The following LDB1 variants were observed in gnomAD, a reference collection of about 807,000 sequenced individuals.
The protein encoded by LDB1 is LIM domain-binding protein 1.
LDB1 carries 6 observed loss-of-function variants against 49.7 expected under a neutral mutation model. The ratio of observed to expected loss-of-function variants is 0.12; its 90% confidence interval spans 0.07 to 0.24. The LOEUF (loss-of-function observed/expected upper bound fraction) is 0.24, where lower values mean the gene tolerates loss of function less well. Ranked by LOEUF, LDB1 falls within the 10% of genes least tolerant of loss-of-function variation. The probability of loss-of-function intolerance (pLI) is 1.00; values close to 1 mark genes in which losing one functional copy is unlikely to be tolerated. For synonymous variants in LDB1, 233 were observed against 202.0 expected, an observed-to-expected ratio of 1.15 and a Z score of -1.30; for missense variants, 341 against 561.7, an observed-to-expected ratio of 0.61 and a Z score of 3.97.
rs2068399803 is a variant in LDB1 at position 102,120,224 on chromosome 10, G to T, written c.-114C>A. 4.1e-5 allele frequency: 40 copies of T among 984,824 alleles called. No homozygotes were observed. Among genetic ancestry groups the T allele is most frequent in the Non-Finnish European group, 4.7e-5 (39 of 830,468 alleles). The allele number at this position is 984,824 out of a possible 1,614,324, so 61.0% of individuals were successfully genotyped here. A position where few individuals can be genotyped will look rare whatever the true frequency, so the allele number is the denominator to read the frequency against. On this transcript the variant is annotated 5_prime_UTR_variant, in exon 1 of 11. Coordinates refer to ENST00000673968, the MANE Select transcript of LDB1 (RefSeq NM_001113407.3). The stretch of plus-strand genomic sequence containing the variant: ...CGCGGCCCCCGCTGCGCTCGCCGCC[G>T]GCCCGGCCCGGCCTCGGCCCGGTGC...
chr10:102,114,914 A>C, intron 1 of LDB1: 6 of 865,274 alleles, frequency 6.9e-6, no homozygotes, highest in Non-Finnish European at 8.3e-6. Context: ...TCAAACACAC[A>C]CGCAGCGCCC....
intron 1 of LDB1, chr10:102,114,782 G>T: frequency 1.0e-6 from 1 of 959,356 alleles, no homozygotes; most frequent in Non-Finnish European, 1.2e-6. Flanking sequence ...TCTCCCCGCC[G>T]CCGCCTCTTG....
intron 1 of LDB1, chr10:102,114,651 G>A: frequency 2.1e-6 from 2 of 962,408 alleles, no homozygotes; most frequent in East Asian, 1.2e-4. Flanking sequence ...GGGGGCCGGG[G>A]GCCAGGGGGC....
Position 102,106,832 on chromosome 10 carries a change from G to A in LDB1, c.*1261C>T, listed in dbSNP as rs980642910. Among the ~76,000 whole-genome samples, 4 of 152,118 alleles carry A rather than the reference G, an allele frequency of 2.6e-5. No individual in the cohort carries two copies. The highest frequency in any genetic ancestry group is 4.8e-5 in the African/African-American group (2 of 41,424). The stretch of plus-strand genomic sequence containing the variant: ...CTCCTGGCTGCACCCTGGCAGAGCC[G>A]AGGATCCCGGCTGCCTCCTCCTCCT... On this transcript the variant is annotated 3_prime_UTR_variant, in exon 11 of 11. Transcript: ENST00000673968.
downstream of LDB1, among the ~76,000 whole-genome samples, chr10:102,103,329 T>TTTG (rs141197540): frequency 1.1e-3 from 160 of 150,302 alleles, 2 homozygotes; most frequent in African/African-American, 3.0e-3. Context: ...CTGCACCTGT[T>TTTG]TTGTTGTTGT....
chr10:102,120,468 C>G (rs1469523802), upstream of LDB1: 17 of 884,556 alleles, frequency 1.9e-5, no homozygotes, highest in Middle Eastern at 5.8e-4. Context: ...CGCGCTCCCT[C>G]GCGCCGGCGC....
chr10:102,105,735 G>A (rs1462846566), downstream of LDB1, among the ~76,000 whole-genome samples: 1 of 151,404 alleles, frequency 6.6e-6, no homozygotes, highest in Non-Finnish European at 1.5e-5. Flanking sequence ...GCCAAGGCGG[G>A]TGGATCACCT....
chr10:102,104,849 A>G (rs1328826862), downstream of LDB1, among the ~76,000 whole-genome samples: 1 of 151,848 alleles, frequency 6.6e-6, no homozygotes, highest in Admixed American at 6.6e-5. Flanking sequence ...TTAACAACAC[A>G]CCCTCATTTA....
Position 102,106,936 on chromosome 10 carries a change from G to A in LDB1, c.*1157C>T, listed in dbSNP as rs1223003162. 6.6e-6 allele frequency among the ~76,000 whole-genome samples: 1 copy of A among 152,104 alleles called. No homozygotes were observed. Among genetic ancestry groups the A allele is most frequent in the Non-Finnish European group, 1.5e-5 (1 of 68,018 alleles). ...CTCTACCTCACCTATGGGGACAGAGGCCTGTTCCTCCCTGGTGGGCTTAGA... is the reference window on the plus strand; with the variant it reads ...CTCTACCTCACCTATGGGGACAGAGACCTGTTCCTCCCTGGTGGGCTTAGA... On this transcript the variant is annotated 3_prime_UTR_variant, in exon 11 of 11. Transcript: ENST00000673968.
At chr10:102,108,839 CTG>C in intron 10 of LDB1, 188 bp downstream of exon 10, 1 of 703,678 alleles carries the variant, frequency 1.4e-6, no homozygotes. Context: ...ATGGCTGAGT[CTG>C]TGTGATCACA....
upstream of LDB1, among the ~76,000 whole-genome samples, chr10:102,120,609 C>CGGCG (rs1288733834): frequency 1.1e-3 from 164 of 151,974 alleles, 3 homozygotes; most frequent in East Asian, 3.9e-4. Flanking sequence ...GTGCGCCGCG[C>CGGCG]GGCGGGCGGG....
rs890724937 is a variant in LDB1, at chr10:102,120,247, T to A, written c.-137A>T. The stretch of plus-strand genomic sequence containing the variant: ...CCGGCCCGGCCCGGCCTCGGCCCGG[T>A]GCGGGCGGCCCCTGGCTGCGGCGAG... On this transcript the variant is annotated 5_prime_UTR_variant, in exon 1 of 11. Transcript: ENST00000673968. The A allele has an allele frequency of 3.1e-6, 3 of 982,020 alleles. No individual in the cohort carries two copies. The highest frequency in any genetic ancestry group is 9.1e-5 in the South Asian group (2 of 21,942). 60.8% of individuals were successfully genotyped at this position (982,020 alleles called of 1,614,324 possible). A position where few individuals can be genotyped will look rare whatever the true frequency, so the allele number is the denominator to read the frequency against.
At chr10:102,105,655 G>A (rs1023860890), downstream of LDB1, among the ~76,000 whole-genome samples, 1 of 151,866 alleles carries the variant, frequency 6.6e-6, no homozygotes, top group African/African-American at 2.4e-5. Flanking sequence ...AGCACCAGGG[G>A]AGACTAATTT....
intron 1 of LDB1, among the ~76,000 whole-genome samples, chr10:102,114,220 G>A (rs926184874): frequency 2.0e-5 from 3 of 152,166 alleles, no homozygotes; most frequent in African/African-American, 7.2e-5. Flanking sequence ...GCTGGGTATT[G>A]CCATGGTAAC....
chr10:102,102,399 GAGA>G (rs1212252733), downstream of LDB1, among the ~76,000 whole-genome samples: 10 of 152,332 alleles, frequency 6.6e-5, no homozygotes, highest in South Asian at 1.0e-3. Context: ...GGGTGATGGG[GAGA>G]AGATTTTTCT....
At chr10:102,110,783 C>A in intron 5 of LDB1, 82 bp from the exon 6 acceptor site, 1 of 1,576,660 alleles carries the variant, frequency 6.3e-7, no homozygotes, top group Non-Finnish European at 8.7e-7. Context: ...ATCTAGATAT[C>A]CCCTGGCACT....
At chr10:102,102,592 A>C (rs1465150225), downstream of LDB1, among the ~76,000 whole-genome samples, 3 of 152,186 alleles carry the variant, frequency 2.0e-5, no homozygotes, top group East Asian at 3.8e-4. Flanking sequence ...TGAAGAAGGA[A>C]TCTGGAAGTG....
intron 10 of LDB1, 115 bp from the exon 11 acceptor site, chr10:102,108,438 C>G: frequency 1.4e-6 from 1 of 706,332 alleles, no homozygotes; most frequent in Admixed American, 2.7e-5. Context: ...TCCCCACCCC[C>G]TCCTCATACC....
chr10:102,110,639 G>A lies in LDB1; in HGVS notation c.415C>T (p.Leu139=). 6.2e-7 allele frequency: 1 copy of A among 1,613,964 alleles called. No individual in the cohort carries two copies. Among genetic ancestry groups the A allele is most frequent in the East Asian group, 2.2e-5 (1 of 44,876 alleles). ...RSIFEGGATE[L]YYVLKHPKEA... is the part of the protein sequence containing the mutation. Reference sequence around the variant, plus strand: ...TTGGGGTGCTTAAGAACATAGTACAGCTCCGTAGCACCCCCCTCAAAGATG... The same window carrying A: ...TTGGGGTGCTTAAGAACATAGTACAACTCCGTAGCACCCCCCTCAAAGATG... Residue 139 remains leucine, a synonymous_variant, in exon 6 of 11, where the codon CTG becomes TTG. Transcript: ENST00000673968.
Sources: allele counts gnomAD v4.1 joint callset (sites outside exome capture counted in the v4.1 genomes callset), GRCh38; gene constraint gnomAD v4.1.1; transcripts MANE v1.5; gene names NCBI Gene and HGNC (gene_info 2026-07-23, HGNC 2026-07-21).